Variants in TUBGCP3 observed in about 807,000 individuals in gnomAD.
The protein encoded by TUBGCP3 is gamma-tubulin complex component 3.
A neutral mutation model predicts 123.1 loss-of-function variants in TUBGCP3; 50 were observed. The ratio of observed to expected loss-of-function variants is 0.41; its 90% confidence interval spans 0.32 to 0.51. The LOEUF is 0.51. Among genes scored for constraint, TUBGCP3 ranks in the 20% least tolerant of loss-of-function variants. The probability of loss-of-function intolerance (pLI) is 0.36; values close to 1 mark genes in which losing one functional copy is unlikely to be tolerated. For synonymous variants in TUBGCP3, 405 were observed against 413.9 expected, an observed-to-expected ratio of 0.98 and a Z score of 0.26; for missense variants, 882 against 1,127.0, an observed-to-expected ratio of 0.78 and a Z score of 3.11.
At chr13:112,578,231 T>A (rs907556857) in intron 1 of TUBGCP3, among the ~76,000 whole-genome samples, 1 of 145,604 alleles carries the variant, frequency 6.9e-6, no homozygotes, top group Admixed American at 6.8e-5. Context: ...CCTTGCTCCT[T>A]GCTCTCCCAG....
At chr13:112,495,909 T>C (rs2139202400) in intron 20 of TUBGCP3, among the ~76,000 whole-genome samples, 1 of 152,282 alleles carries the variant, frequency 6.6e-6, no homozygotes, top group Admixed American at 6.5e-5. Flanking sequence ...TTTGAATGCA[T>C]CTATTTAGTG....
At chr13:112,539,002 A>C (rs1444400111) in intron 11 of TUBGCP3, among the ~76,000 whole-genome samples, 1 of 152,234 alleles carries the variant, frequency 6.6e-6, no homozygotes, top group East Asian at 1.9e-4. Context: ...CAAAGACTTA[A>C]ATGGATATTT....
chr13:112,568,387 C>T (rs906577075), intron 2 of TUBGCP3, among the ~76,000 whole-genome samples: 1 of 151,704 alleles, frequency 6.6e-6, no homozygotes, highest in Non-Finnish European at 1.5e-5. Context: ...TTACTGAGAC[C>T]CAAGGCCAAA....
intron 8 of TUBGCP3, 134 bp from the exon 9 acceptor site, chr13:112,548,310 A>G (rs1427378958): frequency 2.0e-6 from 1 of 506,080 alleles, no homozygotes; most frequent in Non-Finnish European, 3.5e-6. Context: ...TTTTGTCAAT[A>G]ATCTTCTAAT....
upstream of TUBGCP3, among the ~76,000 whole-genome samples, chr13:112,589,393 C>T (rs1882826946): frequency 6.6e-6 from 1 of 152,210 alleles, no homozygotes; most frequent in African/African-American, 2.4e-5. Context: ...ACAGATGGCT[C>T]TTACTTAAAG....
At chr13:112,596,793 T>C in the TUBGCP3 span, among the ~76,000 whole-genome samples, 1 of 152,230 alleles carries the variant, frequency 6.6e-6, no homozygotes, top group African/African-American at 2.4e-5. Flanking sequence ...TTTCTCTTTG[T>C]TGTTCAGATT....
intron 8 of TUBGCP3, among the ~76,000 whole-genome samples, chr13:112,551,811 A>C (rs1023410427): frequency 2.0e-5 from 3 of 149,630 alleles, no homozygotes; most frequent in African/African-American, 4.9e-5. Flanking sequence ...TACTATAAAC[A>C]GCAGTCCCCG....
At chr13:112,490,882 T>G (rs1244963024) in intron 20 of TUBGCP3, among the ~76,000 whole-genome samples, 1 of 152,232 alleles carries the variant, frequency 6.6e-6, no homozygotes, top group African/African-American at 2.4e-5. Flanking sequence ...TGGCTTTGTT[T>G]CTTCTTTAGT....
intron 21 of TUBGCP3, among the ~76,000 whole-genome samples, chr13:112,487,362 T>G (rs556099336): frequency 6.6e-6 from 1 of 152,314 alleles, no homozygotes; most frequent in East Asian, 1.9e-4. Context: ...CAGAAAAGAA[T>G]CTTCTTTGTA....
At chr13:112,586,334 T>C (rs1882607599) in intron 1 of TUBGCP3, among the ~76,000 whole-genome samples, 1 of 152,076 alleles carries the variant, frequency 6.6e-6, no homozygotes, top group South Asian at 2.1e-4. Flanking sequence ...AATGTATGAA[T>C]GTGTGGTTTA....
chr13:112,497,435 C>A (rs1314487470), intron 20 of TUBGCP3, among the ~76,000 whole-genome samples: 2 of 152,200 alleles, frequency 1.3e-5, no homozygotes, highest in African/African-American at 4.8e-5. Flanking sequence ...ATAACTTGTG[C>A]ACCCAGTGGT....
intron 11 of TUBGCP3, among the ~76,000 whole-genome samples, chr13:112,541,267 C>T (rs774343864): frequency 1.6e-4 from 24 of 152,172 alleles, no homozygotes; most frequent in Admixed American, 5.2e-4. Flanking sequence ...AATGGCCAGG[C>T]GTGGTGGCTC....
intron 7 of TUBGCP3, among the ~76,000 whole-genome samples, chr13:112,554,401 C>T (rs561456045): frequency 6.6e-6 from 1 of 152,174 alleles, no homozygotes; most frequent in Non-Finnish European, 1.5e-5. Context: ...TTCACACCAC[C>T]CTGCAGTTGG....
intron 17 of TUBGCP3, among the ~76,000 whole-genome samples, chr13:112,509,471 C>A (rs992313652): frequency 6.6e-6 from 1 of 152,228 alleles, no homozygotes; most frequent in Non-Finnish European, 1.5e-5. Flanking sequence ...CTCAAACTCA[C>A]ACCTTTCAAA....
intron 6 of TUBGCP3, among the ~76,000 whole-genome samples, chr13:112,555,742 G>T (rs549209479): frequency 6.6e-6 from 1 of 152,130 alleles, no homozygotes; most frequent in African/African-American, 2.4e-5. Flanking sequence ...CCAGGGAAAC[G>T]GCAGGATGAA....
At position 112,508,876 on chromosome 13, in the gene TUBGCP3, C is replaced by A. The variant is rs4907722; in HGVS notation, c.2087-4162G>T. On this transcript the variant is annotated intron_variant, in intron 17 of 21. Transcript: ENST00000261965. This position sits in a 1 kb window ranked among gnomAD's most constrained non-coding sequence, Gnocchi z 4.2. ...GGTCCTGCTGGCGCCACAGCCCAAG[C>A]CTCCCTCAAATCCATTCCCTTCCCT... Among the ~76,000 whole-genome samples, 1 of 151,750 alleles carries A rather than the reference C, an allele frequency of 6.6e-6. No individual in the cohort carries two copies. Among genetic ancestry groups the A allele is most frequent in the African/African-American group, 2.4e-5 (1 of 41,212 alleles).
chr13:112,578,018 A>G (rs956340254), intron 1 of TUBGCP3, among the ~76,000 whole-genome samples: 2 of 152,170 alleles, frequency 1.3e-5, no homozygotes, highest in Non-Finnish European at 2.9e-5. Context: ...CAGGGCTTGC[A>G]TGTCTGACTA....
intron 1 of TUBGCP3, among the ~76,000 whole-genome samples, chr13:112,584,971 T>C (rs780540725): frequency 6.6e-6 from 1 of 152,248 alleles, no homozygotes; most frequent in South Asian, 2.1e-4. Context: ...TGGTAAATCA[T>C]GGTCATGCTA....
intron 21 of TUBGCP3, among the ~76,000 whole-genome samples, chr13:112,486,720 T>C (rs537979099): frequency 4.3e-4 from 65 of 152,308 alleles, no homozygotes; most frequent in African/African-American, 1.3e-3. Context: ...TTCCCCTAAC[T>C]CTGATAAGAC....
Sources: gnomAD v4.1 joint callset for allele counts (sites outside exome capture counted in the v4.1 genomes callset) on GRCh38, gnomAD v4.1.1 for gene constraint, Gnocchi (gnomAD v3.1) non-coding constraint, MANE v1.5 for transcripts, NCBI Gene and HGNC (gene_info 2026-07-23, HGNC 2026-07-21) for gene names.